SCAF1: variants seen among roughly 807,000 people sequenced by gnomAD.
SCAF1 encodes splicing factor, arginine/serine-rich 19.
In SCAF1, 28 loss-of-function variants were observed where a neutral mutation model predicts 91.2. The ratio of observed to expected loss-of-function variants is 0.31; its 90% CI spans 0.23 to 0.42. The LOEUF (loss-of-function observed/expected upper bound fraction) is 0.42. Among genes scored for constraint, SCAF1 ranks in the 10% least tolerant of loss-of-function variants. SCAF1 has a pLI of 1.00. For synonymous variants in SCAF1, 1,036 were observed against 833.7 expected (o/e 1.24, Z -4.18); for missense variants, 1,893 against 1,872.1 (o/e 1.01, Z -0.21).
At chr19:49,644,998 A>C in intron 1 of SCAF1, 23 bp from the exon 2 acceptor site, 1 of 1,585,780 alleles carries the variant, frequency 6.3e-7, no homozygotes, top group Non-Finnish European at 8.7e-7. Context: ...CTCCACTCCA[A>C]ACTCTCCCCC....
At chr19:49,648,589 A>C (rs1046780139) in intron 6 of SCAF1, among the ~76,000 whole-genome samples, 1 of 135,210 alleles carries the variant, frequency 7.4e-6, no homozygotes, top group African/African-American at 2.8e-5. Flanking sequence ...TAACAGCTGG[A>C]AATGATTTAT....
At position 49,649,474 on chromosome 19, in the gene SCAF1, C is replaced by T. The variant is rs116006730; in HGVS notation, c.479-1394C>T. On this transcript the variant is annotated intron_variant, in intron 6 of 10. Transcript: ENST00000360565. ...CCTAAGCCCTTGGCAGCTGAGGGAC[C>T]GTACACTCCACTCATTGATATTTTT... Among the ~76,000 whole-genome samples, 232 of 152,214 alleles carry T rather than the reference C, an allele frequency of 1.5e-3. 1 individual carries two copies. Among genetic ancestry groups the T allele is most frequent in the African/African-American group, 5.4e-3 (226 of 41,524 alleles).
chr19:49,647,725 G>A (rs2081063512), intron 6 of SCAF1, among the ~76,000 whole-genome samples: 2 of 151,682 alleles, frequency 1.3e-5, no homozygotes, highest in Admixed American at 6.6e-5. Flanking sequence ...TCCACTTCCC[G>A]AGTACAAGCG....
rs2081085114 is a variant in SCAF1, at chr19:49,651,191, G to A, written c.802G>A (p.Glu268Lys). ...CTCATCAGCGGGGACCCCCTCACCT[G>A]AGGAGGAAGAGGAGGAGGAAGAGGA... ...PSSSAGTPSP[E>K]EEEEEEEEEE... Residue 268 changes from glutamate to lysine, a missense_variant, in exon 7 of 11, where the codon GAG (glutamate) becomes AAG (lysine). Transcript: ENST00000360565. The A allele has an allele frequency of 6.2e-7, 1 of 1,612,796 alleles. No homozygotes were observed. The highest frequency in any genetic ancestry group is 1.3e-5 in the African/African-American group (1 of 74,658).
intron 1 of SCAF1, 189 bp from the exon 2 acceptor site, chr19:49,644,832 G>T: frequency 1.9e-6 from 1 of 522,736 alleles, no homozygotes; most frequent in Non-Finnish European, 3.4e-6. Flanking sequence ...CCTAGTCCCT[G>T]GGGTGTCTGT....
chr19:49,651,905 GC>G lies in SCAF1; in HGVS notation c.1520del (p.Pro507ArgfsTer231), dbSNP rs1568443390. On this transcript the variant is annotated frameshift_variant, in exon 7 of 11. Transcript: ENST00000360565. LOFTEE classifies it high-confidence loss of function. ...CTCGCCCTCCCCGGCGCCCGCGCCC[GC>G]CCCGGCCGCCGCTGCTGGTCCGCCC... ...QRSPSPAPAPAPAAAAGPPTR... is the reference protein window; with the variant it reads ...QRSPSPAPAPXPAAAAGPPTR... 4.3e-6 allele frequency: 5 copies of G among 1,153,648 alleles called. No homozygotes were observed. The highest frequency in any genetic ancestry group is 2.3e-5 in the South Asian group (1 of 44,176). 71.5% of individuals were successfully genotyped at this position (1,153,648 alleles called of 1,614,324 possible). A position where few individuals can be genotyped will look rare whatever the true frequency, so the allele number is the denominator to read the frequency against.
intron 9 of SCAF1, among the ~76,000 whole-genome samples, chr19:49,655,559 A>G (rs527849121): frequency 6.6e-6 from 1 of 152,078 alleles, no homozygotes; most frequent in African/African-American, 2.4e-5. Flanking sequence ...TAGAGACGGC[A>G]TTTCACCACG....
intron 9 of SCAF1, among the ~76,000 whole-genome samples, chr19:49,657,231 C>T (rs185900591): frequency 2.4e-4 from 37 of 152,252 alleles, no homozygotes; most frequent in African/African-American, 6.5e-4. Flanking sequence ...GAGTGGCAGA[C>T]CAGGCTTCTG....
At chr19:49,654,537 G>T (rs1397035805) in intron 8 of SCAF1, 106 bp downstream of exon 8, 13 of 1,369,298 alleles carry the variant, frequency 9.5e-6, no homozygotes, top group Middle Eastern at 3.7e-4. Context: ...GTATCGGCCT[G>T]AAGAGGAGCC....
At chr19:49,640,637 G>A (rs1044397624), upstream of SCAF1, among the ~76,000 whole-genome samples, 3 of 152,104 alleles carry the variant, frequency 2.0e-5, no homozygotes, top group Admixed American at 6.5e-5. Context: ...CCAAGCTTTC[G>A]ACCCCGGCGT....
rs1334175030 is a variant in SCAF1, at chr19:49,653,717, CT to C, written c.3316+13del. On this transcript the variant is annotated intron_variant, in intron 7 of 10. Coordinates refer to ENST00000360565, the MANE Select transcript of SCAF1 (RefSeq NM_021228.3). The stretch of plus-strand genomic sequence containing the variant: ...CGGCGTCCTGGCCTGTGAGTGTCCC[CT>C]GGGGGAGGGTGGTGCTGGGGCAGGT... 3.9e-6 allele frequency: 6 copies of C among 1,524,322 alleles called. No homozygotes were observed. In the African/African-American group the frequency reaches 6.9e-5, roughly 17 times the overall value. 94.4% of individuals were successfully genotyped at this position (1,524,322 alleles called of 1,614,324 possible).
rs898132272 is a variant in SCAF1 at position 49,654,803 on chromosome 19, G to A, written c.3551G>A (p.Gly1184Glu). 2 of 1,612,700 alleles carry A rather than the reference G, an allele frequency of 1.2e-6. No individual in the cohort carries two copies. Among genetic ancestry groups the A allele is most frequent in the Non-Finnish European group, 1.7e-6 (2 of 1,179,422 alleles). Residue 1184 changes from glycine (G) to glutamate (E), a missense_variant, in exon 9 of 11, where the codon GGG becomes GAG. Transcript: ENST00000360565. Reference sequence around the variant, plus strand: ...GGTTCGACCCCCCCCACCCCCACCGGGCTGGCTGCCACGTCTGACAAGAGA... The same window carrying A: ...GGTTCGACCCCCCCCACCCCCACCGAGCTGGCTGCCACGTCTGACAAGAGA... Reference protein sequence around the residue: ...GCGSTPPTPTGLAATSDKREG... With the variant: ...GCGSTPPTPTELAATSDKREG...
Position 49,646,038 on chromosome 19 carries a change from C to A in SCAF1, c.167-70C>A. The A allele has an allele frequency of 7.0e-7, 1 of 1,429,080 alleles. No homozygotes were observed. Among genetic ancestry groups the A allele is most frequent in the Non-Finnish European group, 9.8e-7 (1 of 1,018,956 alleles). 88.5% of individuals were successfully genotyped at this position (1,429,080 alleles called of 1,614,324 possible). A position where few individuals can be genotyped will look rare whatever the true frequency, so the allele number is the denominator to read the frequency against. The stretch of plus-strand genomic sequence containing the variant: ...CTGTCAGGAACTAGATCAAGCTCCT[C>A]TTTCCTCTACCCCGCAAGTCTCTGC... On this transcript the variant is annotated intron_variant, in intron 3 of 10. Coordinates refer to ENST00000360565, the MANE Select transcript of SCAF1 (RefSeq NM_021228.3). This position sits in a 1 kb window ranked among gnomAD's most constrained non-coding sequence, Gnocchi z 5.6.
rs1019650050 is a variant in SCAF1 at position 49,646,052 on chromosome 19, G to A, written c.167-56G>A. The A allele has an allele frequency of 5.8e-5, 87 of 1,501,958 alleles. No individual in the cohort carries two copies. Among genetic ancestry groups the A allele is most frequent in the African/African-American group, 4.7e-4 (34 of 72,508 alleles). 93.0% of individuals were successfully genotyped at this position (1,501,958 alleles called of 1,614,324 possible). ...ATCAAGCTCCTCTTTCCTCTACCCC[G>A]CAAGTCTCTGCAGCAAGTCCCCTGT... On this transcript the variant is annotated intron_variant, in intron 3 of 10. Transcript: ENST00000360565. This position sits in a 1 kb window ranked among gnomAD's most constrained non-coding sequence, Gnocchi z 5.6.
At position 49,651,543 on chromosome 19, in the gene SCAF1, C is replaced by T. The variant is rs780002480; in HGVS notation, c.1154C>T (p.Pro385Leu). The change falls in exon 7 of 11, where the codon CCG becomes CTG. Residue 385 changes from proline (P) to leucine (L), a missense_variant. Physicochemically the swap from Pro to Leu is moderately conservative, Grantham distance 98. Transcript: ENST00000360565. ...GGAALPPPLL[P>L]PGDSEIEEGE... ...GCCGCCCTCCCGCCGCCCCTGCTGC[C>T]GCCCGGCGACTCGGAGATCGAGGAA... 13 of 1,561,576 alleles carry T rather than the reference C, an allele frequency of 8.3e-6. No homozygotes were observed. The highest frequency in any genetic ancestry group is 1.8e-4 in the Middle Eastern group (1 of 5,674).
In SCAF1 at chr19:49,652,851, C is replaced by T; in HGVS notation, c.2462C>T (p.Ser821Phe). ...PPVSSGSGSS[S>F]SSSSCSSRKV... is the part of the protein sequence containing the mutation. ...GTCAGCAGCGGCTCAGGCTCTTCAT[C>T]CTCGTCGTCCTCCTGTTCTTCCCGG... is the stretch of plus-strand genomic sequence containing the variant. The change falls in exon 7 of 11, where the codon TCC (serine) becomes TTC (phenylalanine). Residue 821 changes from serine (S) to phenylalanine (F), a missense_variant. Ser to Phe is a radical substitution (Grantham distance 155). Transcript: ENST00000360565. 6.2e-7 allele frequency: 1 copy of T among 1,614,106 alleles called. No homozygotes were observed. Among genetic ancestry groups the T allele is most frequent in the Non-Finnish European group, 8.5e-7 (1 of 1,180,014 alleles).
Position 49,647,856 on chromosome 19 carries a change from C to T in SCAF1, c.478+1026C>T, listed in dbSNP as rs2081064146. ...CCATGCTGGCCAGGATGGCCTTGAT[C>T]TCTTGACCTCAAGTGATCCGCCCGC... On this transcript the variant is annotated intron_variant, in intron 6 of 10. Transcript: ENST00000360565. Among the ~76,000 whole-genome samples, 4 of 152,124 alleles carry T rather than the reference C, an allele frequency of 2.6e-5. No individual in the cohort carries two copies. The South Asian group carries it at 8.3e-4, about 32-fold the overall frequency.
At chr19:49,658,154 G>C in intron 10 of SCAF1, 54 bp from the exon 11 acceptor site, 1 of 1,572,298 alleles carries the variant, frequency 6.4e-7, no homozygotes, top group Middle Eastern at 1.7e-4. Flanking sequence ...ACAGTCCTGG[G>C]TGGATGGGGC....
rs546470372 is a variant in SCAF1 at position 49,656,818 on chromosome 19, C to T, written c.3619-943C>T. Among the ~76,000 whole-genome samples, 10 of 152,288 alleles carry T rather than the reference C, an allele frequency of 6.6e-5. No homozygotes were observed. In the South Asian group the frequency reaches 1.5e-3, roughly 22 times the overall value. On this transcript the variant is annotated intron_variant, in intron 9 of 10. Coordinates refer to ENST00000360565, the MANE Select transcript of SCAF1 (RefSeq NM_021228.3). ...CCTGTGCCATGTCCTCCATGTGTGT[C>T]GCTGTAGTACTGCCCATAGGTGCTG... is the stretch of plus-strand genomic sequence containing the variant.
Sources: gnomAD v4.1 joint callset for allele counts (sites outside exome capture counted in the v4.1 genomes callset) on GRCh38, gnomAD v4.1.1 for gene constraint, Gnocchi (gnomAD v3.1) non-coding constraint, MANE v1.5 for transcripts, NCBI Gene and HGNC (gene_info 2026-07-23, HGNC 2026-07-21) for gene names.